The following TBC1D23 variants were observed in gnomAD, a reference collection of about 807,000 sequenced individuals.
TBC1D23 encodes the protein HCV non-structural protein 4A-transactivated protein 1.
In TBC1D23, 55 loss-of-function variants were observed where a neutral mutation model predicts 91.4. The observed-to-expected ratio is 0.60, with a 90% CI of 0.48 to 0.75. TBC1D23 has a LOEUF of 0.75. Among genes scored for constraint, TBC1D23 ranks in the 30% least tolerant of loss-of-function variants. The pLI, the probability that TBC1D23 is intolerant of heterozygous loss-of-function variation, is 0.00. For missense variants in TBC1D23, 725 were observed against 836.1 expected (o/e 0.87, Z 1.64); for synonymous variants, 289 against 281.0 (o/e 1.03, Z -0.28).
chr3:100,281,772 A>C lies in TBC1D23; in HGVS notation c.196A>C (p.Ser66Arg). ...TCTGAATGTTGCAGGAAAAGGTGATAGTTTGGCATCATGGGATGGTATTTT... is the reference window on the plus strand; with the variant it reads ...TCTGAATGTTGCAGGAAAAGGTGATCGTTTGGCATCATGGGATGGTATTTT... ...IALNVAGKGD[S>R]LASWDGILDL... Residue 66 changes from serine to arginine, a missense_variant, in exon 3 of 19, where the codon AGT (serine) becomes CGT (arginine). Coordinates refer to ENST00000394144, the MANE Select transcript of TBC1D23 (RefSeq NM_001199198.3). 1 of 1,612,824 alleles carries C rather than the reference A, an allele frequency of 6.2e-7. No homozygotes were observed. Among genetic ancestry groups the C allele is most frequent in the Non-Finnish European group, 8.5e-7 (1 of 1,179,168 alleles).
chr3:100,261,471 G>C, intron 1 of TBC1D23: 1 of 188,814 alleles, frequency 5.3e-6, no homozygotes, highest in South Asian at 1.2e-4. Context: ...AAGAAAAGAC[G>C]TTTTGAAATG....
At chr3:100,310,109 G>T (rs1214550064) in intron 13 of TBC1D23, among the ~76,000 whole-genome samples, 1 of 152,108 alleles carries the variant, frequency 6.6e-6, no homozygotes, top group Non-Finnish European at 1.5e-5. Context: ...TGGATGCCTT[G>T]CCTTGTGTGT....
At chr3:100,263,458 C>T (rs1278718037) in intron 1 of TBC1D23, among the ~76,000 whole-genome samples, 2 of 152,140 alleles carry the variant, frequency 1.3e-5, no homozygotes, top group Non-Finnish European at 2.9e-5. Context: ...CTGACAGTAA[C>T]AGCATAAGCA....
At chr3:100,319,029 G>A in intron 16 of TBC1D23, 40 bp from the exon 17 acceptor site, 1 of 1,329,796 alleles carries the variant, frequency 7.5e-7, no homozygotes, top group Non-Finnish European at 1.0e-6. Flanking sequence ...CATTTTAAAA[G>A]TTGGTAATAT....
intron 9 of TBC1D23, among the ~76,000 whole-genome samples, chr3:100,298,995 T>C (rs1183635718): frequency 6.6e-6 from 1 of 152,222 alleles, no homozygotes; most frequent in Non-Finnish European, 1.5e-5. Context: ...TCTCCTTCTA[T>C]GTATTTTAAG....
At chr3:100,307,965 AC>A (rs1306223342) in intron 13 of TBC1D23, among the ~76,000 whole-genome samples, 2 of 152,204 alleles carry the variant, frequency 1.3e-5, no homozygotes, top group South Asian at 2.1e-4. Context: ...TCTCCAAAAA[AC>A]ATTCTAATTT....
rs532131080 is a variant in TBC1D23, at chr3:100,325,154, G to T, written c.*1486G>T. The T allele has an allele frequency of 4.6e-5, 7 of 152,196 alleles. No homozygotes were observed. The South Asian group carries it at 1.5e-3, about 32-fold the overall frequency. 9.4% of individuals were successfully genotyped at this position (152,196 alleles called of 1,614,324 possible). ...CATTTTTCACCCATTTCAGCCATGG[G>T]ACATTTTTCATAATATTAATGTAAA... On this transcript the variant is annotated 3_prime_UTR_variant, in exon 19 of 19. Transcript: ENST00000394144.
In TBC1D23 at chr3:100,311,793, A is replaced by T; in HGVS notation, c.1554-40A>T. 5 of 1,426,698 alleles carry T rather than the reference A, an allele frequency of 3.5e-6. No individual in the cohort carries two copies. In the Admixed American group the frequency reaches 6.2e-5, roughly 18 times the overall value. The allele number at this position is 1,426,698 out of a possible 1,614,324, so 88.4% of individuals were successfully genotyped here. ...GTTTTAAAGCTGTTGCATTTTTTTT[A>T]TAATCATTTTGTTCTGTCCTCTGCC... On this transcript the variant is annotated intron_variant, in intron 14 of 18. Transcript: ENST00000394144.
chr3:100,316,830 C>A (rs1177016572), intron 16 of TBC1D23, among the ~76,000 whole-genome samples: 3 of 151,932 alleles, frequency 2.0e-5, no homozygotes, highest in Admixed American at 2.0e-4. Flanking sequence ...CGGTGGTTCA[C>A]GCTGTAATCC....
chr3:100,301,981 G>A, intron 10 of TBC1D23, 86 bp from the exon 11 acceptor site: 1 of 912,930 alleles, frequency 1.1e-6, no homozygotes, highest in East Asian at 2.8e-5. Context: ...TTAAATATTG[G>A]GGTTTTTCCT....
chr3:100,268,910 A>G (rs2067578727), intron 1 of TBC1D23, among the ~76,000 whole-genome samples: 1 of 152,216 alleles, frequency 6.6e-6, no homozygotes, highest in Admixed American at 6.5e-5. Context: ...TAGCAAATGC[A>G]TTGCAACATT....
chr3:100,277,800 T>G (rs1238462881), intron 1 of TBC1D23, among the ~76,000 whole-genome samples: 1 of 152,228 alleles, frequency 6.6e-6, no homozygotes, highest in African/African-American at 2.4e-5. Context: ...TTGTACATTT[T>G]GGCCAGAAGA....
At chr3:100,311,545 T>A (rs1705624699) in intron 14 of TBC1D23, among the ~76,000 whole-genome samples, 1 of 152,190 alleles carries the variant, frequency 6.6e-6, no homozygotes, top group Admixed American at 6.5e-5. Context: ...TGCTTCTGAG[T>A]TGGAGGACTA....
At chr3:100,288,345 G>A (rs143966075) in intron 4 of TBC1D23, among the ~76,000 whole-genome samples, 3,463 of 151,886 alleles carry the variant, frequency 0.023, 62 homozygotes, top group Non-Finnish European at 0.03. Flanking sequence ...TGCTTTTTTA[G>A]AGATGGGACC....
chr3:100,321,040 A>G (rs1705849164), intron 18 of TBC1D23, 69 bp downstream of exon 18: 1 of 1,209,452 alleles, frequency 8.3e-7, no homozygotes, highest in Admixed American at 2.5e-5. Context: ...TTCACTATAA[A>G]GAGTTTGTTT....
chr3:100,296,837 G>A (rs960317824), intron 8 of TBC1D23, among the ~76,000 whole-genome samples: 1 of 148,748 alleles, frequency 6.7e-6, no homozygotes, highest in African/African-American at 2.5e-5. Flanking sequence ...TCCAGCCTGG[G>A]CGACAGAGTG....
chr3:100,292,194 A>G (rs1166195972), intron 5 of TBC1D23, among the ~76,000 whole-genome samples: 1 of 152,210 alleles, frequency 6.6e-6, no homozygotes, highest in Non-Finnish European at 1.5e-5. Context: ...TTTTGACCTT[A>G]CAGATCCTTT....
intron 5 of TBC1D23, among the ~76,000 whole-genome samples, chr3:100,291,929 C>T (rs2067794996): frequency 6.6e-6 from 1 of 151,764 alleles, no homozygotes; most frequent in African/African-American, 2.4e-5. Flanking sequence ...CCATGCCCGG[C>T]TAATTTTGTA....
intron 14 of TBC1D23, among the ~76,000 whole-genome samples, chr3:100,311,272 A>T (rs1240836243): frequency 6.6e-6 from 1 of 152,164 alleles, no homozygotes; most frequent in Non-Finnish European, 1.5e-5. Context: ...GGGAAAACTG[A>T]CATATTTTAC....
Sources: allele counts gnomAD v4.1 joint callset (sites outside exome capture counted in the v4.1 genomes callset), GRCh38; gene constraint gnomAD v4.1.1; transcripts MANE v1.5; gene names NCBI Gene and HGNC (gene_info 2026-07-23, HGNC 2026-07-21).